Variants in KLRF1 observed in about 807,000 individuals in gnomAD.
KLRF1 encodes killer cell lectin-like receptor subfamily F member 1.
In KLRF1, 27 loss-of-function variants were observed where a neutral mutation model predicts 30.7. The observed-to-expected ratio is 0.88, with a 90% confidence interval of 0.65 to 1.21. KLRF1 has a LOEUF of 1.21. Among genes scored for constraint, KLRF1 ranks in the 50% most tolerant of loss-of-function variants. The pLI is 0.00. For missense variants in KLRF1, 246 were observed against 259.3 expected, an observed-to-expected ratio of 0.95 and a Z score of 0.35; for synonymous variants, 92 against 89.3, an observed-to-expected ratio of 1.03 and a Z score of -0.17.
intron 3 of KLRF1, among the ~76,000 whole-genome samples, chr12:9,838,192 C>T (rs918809404): frequency 4.6e-5 from 7 of 152,100 alleles, no homozygotes; most frequent in Non-Finnish European, 1.0e-4. Context: ...AGCATGCAAG[C>T]AGGCCTCTTC....
chr12:9,832,961 T>C (rs1443402455), intron 2 of KLRF1, among the ~76,000 whole-genome samples: 2 of 152,106 alleles, frequency 1.3e-5, no homozygotes. Context: ...TGGTACAATG[T>C]TCTGACTACA....
chr12:9,834,578 T>C (rs1867527718), intron 3 of KLRF1, among the ~76,000 whole-genome samples: 1 of 151,982 alleles, frequency 6.6e-6, no homozygotes, highest in African/African-American at 2.4e-5. Context: ...ATTTGTTGTA[T>C]AGAATGATTG....
the KLRF1 span, chr12:9,817,381 CT>C: frequency 2.8e-6 from 1 of 351,438 alleles, no homozygotes; most frequent in Non-Finnish European, 5.6e-6. Context: ...TTCTCAGCAT[CT>C]TTTTATTCTA....
chr12:9,841,023 G>A (rs187397766), intron 3 of KLRF1, among the ~76,000 whole-genome samples: 7 of 152,000 alleles, frequency 4.6e-5, no homozygotes, highest in Non-Finnish European at 7.4e-5. Context: ...AGCACTATTC[G>A]CTATAGAAAA....
chr12:9,816,700 C>G, the KLRF1 span, among the ~76,000 whole-genome samples: 2 of 151,248 alleles, frequency 1.3e-5, no homozygotes, highest in African/African-American at 4.9e-5. Context: ...TAAGTGTTGC[C>G]TCTAAAACTT....
intron 3 of KLRF1, among the ~76,000 whole-genome samples, chr12:9,838,048 C>T (rs891985228): frequency 3.3e-5 from 5 of 152,064 alleles, no homozygotes; most frequent in African/African-American, 1.2e-4. Context: ...ATTGGTGAAA[C>T]AATTACAATA....
upstream of KLRF1, among the ~76,000 whole-genome samples, chr12:9,825,510 T>C (rs1279591248): frequency 6.6e-6 from 1 of 151,970 alleles, no homozygotes; most frequent in African/African-American, 2.4e-5. Context: ...AAAGCTCAAC[T>C]CAAGATGGAT....
chr12:9,838,465 T>C lies in KLRF1; in HGVS notation c.335-3347T>C, dbSNP rs781090143. Among the ~76,000 whole-genome samples the C allele has an allele frequency of 4.6e-5, 7 of 152,142 alleles. No homozygotes were observed. The South Asian group carries it at 8.3e-4, about 18-fold the overall frequency. On this transcript the variant is annotated intron_variant, in intron 3 of 5. Transcript: ENST00000617889. ...TCATCCCGGTTGTCCCCCAAGACTA[T>C]TCCTTTGTTCATCCTTGAAATGGAC...
chr12:9,815,187 A>T, the KLRF1 span, among the ~76,000 whole-genome samples: 5 of 152,256 alleles, frequency 3.3e-5, no homozygotes, highest in Middle Eastern at 3.2e-3. Flanking sequence ...AATCATGATG[A>T]TAACAAGAAC....
chr12:9,820,968 A>G, the KLRF1 span, among the ~76,000 whole-genome samples: 13 of 152,096 alleles, frequency 8.5e-5, 1 homozygote, highest in Admixed American at 7.9e-4. Context: ...TGCCCCATAC[A>G]TGGCTGACCA....
chr12:9,806,129 T>G, the KLRF1 span, among the ~76,000 whole-genome samples: 1 of 152,026 alleles, frequency 6.6e-6, no homozygotes, highest in Non-Finnish European at 1.5e-5. Context: ...GCTTAGGTTA[T>G]TATTTGAGAT....
intron 4 of KLRF1, 36 bp downstream of exon 4, chr12:9,841,987 CA>C (rs1415170593): frequency 1.9e-6 from 3 of 1,565,816 alleles, no homozygotes; most frequent in Non-Finnish European, 2.6e-6. Context: ...GGCATCTTTG[CA>C]GTAAAAAATG....
Position 9,842,188 on chromosome 12 carries a change from G to A in KLRF1, c.475-133G>A. On this transcript the variant is annotated intron_variant, in intron 4 of 5. Transcript: ENST00000617889. ...GTAACATATATATGATATAATGTGT[G>A]TATAAGTAAGATATGAATTGATTAC... The A allele has an allele frequency of 3.3e-6, 3 of 917,574 alleles. No homozygotes were observed. The African/African-American group carries it at 5.0e-5, about 15-fold the overall frequency. The allele number at this position is 917,574 out of a possible 1,614,324, so 56.8% of individuals were successfully genotyped here.
At chr12:9,817,730 C>A in the KLRF1 span, 1 of 211,968 alleles carries the variant, frequency 4.7e-6, no homozygotes, top group Admixed American at 6.1e-5. Flanking sequence ...TCCTCAGTCA[C>A]CCCATGATAT....
At chr12:9,801,109 G>A in the KLRF1 span, among the ~76,000 whole-genome samples, 1 of 151,930 alleles carries the variant, frequency 6.6e-6, no homozygotes, top group African/African-American at 2.4e-5. Context: ...TTGGTTTTCT[G>A]TTCCTGTGTT....
chr12:9,811,586 A>G, the KLRF1 span, among the ~76,000 whole-genome samples: 2 of 152,210 alleles, frequency 1.3e-5, no homozygotes, highest in Admixed American at 6.5e-5. Flanking sequence ...GTTAAATTAG[A>G]TAAAAGTTGG....
intron 5 of KLRF1, among the ~76,000 whole-genome samples, chr12:9,843,235 G>A (rs900890647): frequency 4.1e-4 from 63 of 152,130 alleles, no homozygotes; most frequent in Admixed American, 1.5e-3. Context: ...AAGGCACGCA[G>A]GTGGCCTCGG....
rs968981745 is a variant in KLRF1 at position 9,833,465 on chromosome 12, G to C, written c.334+13G>C. The stretch of plus-strand genomic sequence containing the variant: ...GCAGACCAGACAGGTATGTCTCAAG[G>C]CTTTGGCTTATCCTAGTTTTAATCT... On this transcript the variant is annotated intron_variant, in intron 3 of 5. Transcript: ENST00000617889. 3.2e-6 allele frequency: 5 copies of C among 1,578,704 alleles called. No homozygotes were observed. In the South Asian group the frequency reaches 3.5e-5, roughly 11 times the overall value.
chr12:9,818,992 C>T, the KLRF1 span, among the ~76,000 whole-genome samples: 18 of 152,288 alleles, frequency 1.2e-4, no homozygotes, highest in African/African-American at 3.9e-4. Context: ...ACTGCCCACC[C>T]GGGAGCAACA....
Sources: allele counts gnomAD v4.1 joint callset (sites outside exome capture counted in the v4.1 genomes callset), GRCh38; gene constraint gnomAD v4.1.1; transcripts MANE v1.5; gene names NCBI Gene and HGNC (gene_info 2026-07-23, HGNC 2026-07-21).